SKA2: variants seen among roughly 807,000 people sequenced by gnomAD.
The protein encoded by SKA2 is spindle and kinetochore associated complex subunit 2.
A neutral mutation model predicts 16.9 loss-of-function variants in SKA2; 13 were observed. That is an observed-to-expected ratio of 0.77 (90% CI 0.50 to 1.22). The LOEUF (loss-of-function observed/expected upper bound fraction) is 1.22. Among genes scored for constraint, SKA2 ranks in the 50% most tolerant of loss-of-function variants. SKA2 has a pLI of 0.00. For synonymous variants in SKA2, 47 were observed against 48.5 expected (o/e 0.97, Z 0.13); for missense variants, 107 against 139.7 (o/e 0.77, Z 1.18).
intron 3 of SKA2, among the ~76,000 whole-genome samples, chr17:59,118,909 A>G (rs1894919031): frequency 6.6e-6 from 1 of 152,184 alleles, no homozygotes; most frequent in Non-Finnish European, 1.5e-5. Flanking sequence ...TAAATATCAC[A>G]TATGCAGCCC....
chr17:59,129,075 G>A (rs1178573025), intron 2 of SKA2, among the ~76,000 whole-genome samples: 2 of 152,134 alleles, frequency 1.3e-5, no homozygotes, highest in Admixed American at 6.6e-5. Flanking sequence ...TAGGTCAGGC[G>A]TGGTGGCGCA....
chr17:59,121,100 C>T (rs1284918814), intron 2 of SKA2, among the ~76,000 whole-genome samples: 3 of 147,536 alleles, frequency 2.0e-5, no homozygotes, highest in African/African-American at 5.0e-5. Flanking sequence ...TGCTGTGAGC[C>T]GAGATCGTGC....
chr17:59,120,241 T>C (rs2147796713), intron 2 of SKA2, among the ~76,000 whole-genome samples: 1 of 151,904 alleles, frequency 6.6e-6, no homozygotes, highest in Non-Finnish European at 1.5e-5. Context: ...GGGGATAAAG[T>C]ATGTATAAAT....
rs147805006 is a variant in SKA2, at chr17:59,145,409, G to A, written c.33+9722C>T. On this transcript the variant is annotated intron_variant, in intron 1 of 3. Coordinates refer to ENST00000330137, the MANE Select transcript of SKA2 (RefSeq NM_182620.4). Reference sequence around the variant, plus strand: ...AACACTCATCTCTGGACGTTCACATGTACTATTTCCTCTGCCTGGAATATT... The same window carrying A: ...AACACTCATCTCTGGACGTTCACATATACTATTTCCTCTGCCTGGAATATT... Among the ~76,000 whole-genome samples, 3 of 152,220 alleles carry A rather than the reference G, an allele frequency of 2.0e-5. No individual in the cohort carries two copies. In the East Asian group the frequency reaches 5.8e-4, roughly 29 times the overall value.
chr17:59,139,470 G>T (rs1408971016), intron 1 of SKA2, among the ~76,000 whole-genome samples: 1 of 150,780 alleles, frequency 6.6e-6, no homozygotes, highest in East Asian at 1.9e-4. Flanking sequence ...TATCTTAATG[G>T]AACTAGTTTG....
intron 2 of SKA2, among the ~76,000 whole-genome samples, chr17:59,125,147 A>ATTTTTTTTT (rs10719455): frequency 1.0e-5 from 1 of 95,938 alleles, no homozygotes; most frequent in African/African-American, 4.0e-5. Flanking sequence ...CTAATTTTGT[A>ATTTTTTTTT]TTTTTTTTTT....
chr17:59,131,657 A>G (rs984331253), intron 1 of SKA2, among the ~76,000 whole-genome samples: 18 of 152,210 alleles, frequency 1.2e-4, no homozygotes, highest in Admixed American at 8.5e-4. Context: ...TATTAATACA[A>G]AAAACTAATA....
chr17:59,119,644 G>A (rs964559337), intron 2 of SKA2, 149 bp from the exon 3 acceptor site: 1 of 712,336 alleles, frequency 1.4e-6, no homozygotes, highest in Non-Finnish European at 2.3e-6. Context: ...ACATCAGATG[G>A]GAGGTGGGGA....
At position 59,110,175 on chromosome 17, in the gene SKA2, G is replaced by C. The variant is rs2046254155; in HGVS notation, c.*2102C>G. The C allele has an allele frequency of 6.6e-6, 1 of 152,140 alleles. No homozygotes were observed. Among genetic ancestry groups the C allele is most frequent in the African/African-American group, 2.4e-5 (1 of 41,430 alleles). The allele number at this position is 152,140 out of a possible 1,614,324, so 9.4% of individuals were successfully genotyped here. A position where few individuals can be genotyped will look rare whatever the true frequency, so the allele number is the denominator to read the frequency against. On this transcript the variant is annotated 3_prime_UTR_variant, in exon 4 of 4. Transcript: ENST00000330137. Reference sequence around the variant, plus strand: ...TTAGGAGTCATCCACAAAGAGGCTTGAGAAACAAATGAAAATGTATTGAGA... The same window carrying C: ...TTAGGAGTCATCCACAAAGAGGCTTCAGAAACAAATGAAAATGTATTGAGA...
At chr17:59,122,637 T>A (rs1237617480) in intron 2 of SKA2, among the ~76,000 whole-genome samples, 1 of 151,620 alleles carries the variant, frequency 6.6e-6, no homozygotes, top group African/African-American at 2.4e-5. Context: ...TATTATTTTT[T>A]AAATTAGCCA....
intron 1 of SKA2, among the ~76,000 whole-genome samples, chr17:59,138,304 G>C (rs2046461516): frequency 6.6e-6 from 1 of 151,802 alleles, no homozygotes; most frequent in Admixed American, 6.6e-5. Context: ...TGGAATATTT[G>C]CATAATAATT....
intron 1 of SKA2, among the ~76,000 whole-genome samples, chr17:59,149,805 T>C (rs1766663396): frequency 6.6e-6 from 1 of 152,194 alleles, no homozygotes; most frequent in Non-Finnish European, 1.5e-5. Flanking sequence ...GTATAATGTA[T>C]GATTCCATTT....
chr17:59,128,733 CAG>C (rs931470033), intron 2 of SKA2, among the ~76,000 whole-genome samples: 1 of 151,720 alleles, frequency 6.6e-6, no homozygotes, highest in African/African-American at 2.4e-5. Context: ...TCTGTGGAGA[CAG>C]AAAGTAGATT....
At chr17:59,129,478 C>CA (rs2046395827) in intron 2 of SKA2, 1 of 144,298 alleles carries the variant, frequency 6.9e-6, no homozygotes, top group South Asian at 2.2e-4. Context: ...ATCTTTAAGA[C>CA]AAAAGAAAGA....
intron 1 of SKA2, among the ~76,000 whole-genome samples, chr17:59,137,019 T>A (rs1189463375): frequency 6.6e-6 from 1 of 152,174 alleles, no homozygotes; most frequent in Non-Finnish European, 1.5e-5. Context: ...GTAAATTCTT[T>A]TTTTTCTTTT....
chr17:59,144,304 T>C (rs2046515405), intron 1 of SKA2, among the ~76,000 whole-genome samples: 1 of 151,298 alleles, frequency 6.6e-6, no homozygotes, highest in Non-Finnish European at 1.5e-5. Context: ...CCTTGTCCAC[T>C]GTTGGTGGAA....
intron 1 of SKA2, among the ~76,000 whole-genome samples, chr17:59,137,476 T>C (rs2046454439): frequency 1.3e-5 from 2 of 152,192 alleles, no homozygotes; most frequent in African/African-American, 4.8e-5. Flanking sequence ...GAAATTCTAG[T>C]CCTAGTATCA....
intron 3 of SKA2, chr17:59,118,041 C>G (rs1225460522): frequency 6.6e-6 from 1 of 152,086 alleles, no homozygotes; most frequent in Non-Finnish European, 1.5e-5. Flanking sequence ...GAGGCAGATT[C>G]ATCATCTGAG....
intron 1 of SKA2, among the ~76,000 whole-genome samples, chr17:59,139,879 A>T (rs973030399): frequency 2.0e-5 from 3 of 152,146 alleles, no homozygotes; most frequent in African/African-American, 7.2e-5. Flanking sequence ...GACAAAAGGG[A>T]ATAGATGAAA....
Sources: allele counts gnomAD v4.1 joint callset (sites outside exome capture counted in the v4.1 genomes callset), GRCh38; gene constraint gnomAD v4.1.1; transcripts MANE v1.5; gene names NCBI Gene and HGNC (gene_info 2026-07-23, HGNC 2026-07-21).